Variants in NAALADL2 observed in about 807,000 individuals in gnomAD.
NAALADL2 encodes the protein N-acetylated alpha-linked acidic dipeptidase like 2.
A neutral mutation model predicts 87.2 loss-of-function variants in NAALADL2; 76 were observed. The observed-to-expected ratio is 0.87, with a 90% CI of 0.72 to 1.05. NAALADL2 has a LOEUF of 1.05. Ranked by LOEUF, NAALADL2 falls within the 50% of genes least tolerant of loss-of-function variation. The pLI, the probability that NAALADL2 is intolerant of heterozygous loss-of-function variation, is 0.00. For synonymous variants in NAALADL2, 354 were observed against 331.0 expected (o/e 1.07, Z -0.75); for missense variants, 1,089 against 945.8 (o/e 1.15, Z -1.99).
At chr3:175,627,559 C>G (rs192107611) in intron 11 of NAALADL2, among the ~76,000 whole-genome samples, 173 bp downstream of exon 11, 115 of 115,158 alleles carry the variant, frequency 1.0e-3, no homozygotes, top group Admixed American at 2.0e-3. Flanking sequence ...ATAATTCATT[C>G]AAGATCATAC....
intron 9 of NAALADL2, among the ~76,000 whole-genome samples, chr3:175,480,836 A>T (rs1726347885): frequency 5.3e-5 from 8 of 151,934 alleles, no homozygotes; most frequent in Admixed American, 5.3e-4. Context: ...CCTAGAATTT[A>T]AATAAAAGAA....
intron 4 of NAALADL2, among the ~76,000 whole-genome samples, chr3:175,314,563 C>CTATATATATATATATA (rs57049565): frequency 7.2e-5 from 5 of 69,614 alleles, no homozygotes; most frequent in Non-Finnish European, 1.1e-4. Flanking sequence ...CACATTCTAA[C>CTATATATATATATATA]TATATATATA....
At chr3:175,678,184 A>G (rs1339438395) in intron 11 of NAALADL2, among the ~76,000 whole-genome samples, 2 of 152,208 alleles carry the variant, frequency 1.3e-5, no homozygotes, top group East Asian at 3.8e-4. Flanking sequence ...AAACAGGAAT[A>G]TCTTTTAGCA....
intron 1 of NAALADL2, among the ~76,000 whole-genome samples, chr3:175,040,879 A>G (rs569621965): frequency 1.3e-5 from 2 of 152,294 alleles, no homozygotes; most frequent in South Asian, 2.1e-4. Context: ...AAAAACATGC[A>G]TCAACTCAGA....
chr3:175,384,464 C>T (rs927693557), intron 5 of NAALADL2, among the ~76,000 whole-genome samples: 16 of 151,846 alleles, frequency 1.1e-4, no homozygotes, highest in Admixed American at 3.3e-4. Context: ...ATAATACTTT[C>T]GGTTCTTTGA....
intron 4 of NAALADL2, among the ~76,000 whole-genome samples, chr3:175,261,688 T>G (rs1240195388): frequency 6.6e-6 from 1 of 152,234 alleles, no homozygotes; most frequent in Non-Finnish European, 1.5e-5. Context: ...TTTATCCTTA[T>G]AATGACAATT....
intron 12 of NAALADL2, among the ~76,000 whole-genome samples, chr3:175,750,549 A>T (rs1401892552): frequency 6.6e-6 from 1 of 152,168 alleles, no homozygotes; most frequent in Non-Finnish European, 1.5e-5. Context: ...CCTCTACGAT[A>T]GTGAGGACTA....
chr3:174,645,872 T>G (rs1027169597), intron 2 of NAALADL2, among the ~76,000 whole-genome samples: 3 of 152,168 alleles, frequency 2.0e-5, no homozygotes, highest in African/African-American at 7.2e-5. Flanking sequence ...GATTATTATA[T>G]TTTCTGGAGT....
At chr3:174,516,802 T>G (rs1266538499) in intron 1 of NAALADL2, among the ~76,000 whole-genome samples, 1 of 151,990 alleles carries the variant, frequency 6.6e-6, no homozygotes, top group African/African-American at 2.4e-5. Flanking sequence ...AAATTACAAA[T>G]GACATGTCTT....
At chr3:175,608,649 A>T (rs1269884723) in intron 10 of NAALADL2, among the ~76,000 whole-genome samples, 1 of 152,046 alleles carries the variant, frequency 6.6e-6, no homozygotes, top group Non-Finnish European at 1.5e-5. Context: ...GAGTTATGAA[A>T]TTTGGGAAAC....
chr3:175,410,639 T>C (rs781692759), intron 5 of NAALADL2, among the ~76,000 whole-genome samples: 1 of 152,120 alleles, frequency 6.6e-6, no homozygotes, highest in African/African-American at 2.4e-5. Flanking sequence ...ACAAAAATGT[T>C]GAATTTTAAC....
chr3:174,709,674 GAT>G (rs1333653915), intron 2 of NAALADL2, among the ~76,000 whole-genome samples: 1 of 152,100 alleles, frequency 6.6e-6, no homozygotes, highest in African/African-American at 2.4e-5. Context: ...AGACAGATAA[GAT>G]AAAAATCTTG....
At chr3:174,502,756 C>T (rs1378821716) in intron 1 of NAALADL2, among the ~76,000 whole-genome samples, 3 of 152,032 alleles carry the variant, frequency 2.0e-5, no homozygotes, top group African/African-American at 7.2e-5. Context: ...TCTTGCCAGG[C>T]ACAGTGGCTG....
intron 3 of NAALADL2, among the ~76,000 whole-genome samples, chr3:174,768,796 T>G (rs1714172916): frequency 6.6e-6 from 1 of 152,052 alleles, no homozygotes; most frequent in Admixed American, 6.6e-5. Flanking sequence ...TTGATTGAAG[T>G]TTTGTACTTT....
intron 3 of NAALADL2, among the ~76,000 whole-genome samples, chr3:175,238,680 T>C (rs1182859434): frequency 6.6e-6 from 1 of 152,206 alleles, no homozygotes; most frequent in African/African-American, 2.4e-5. Flanking sequence ...ATATTTTATA[T>C]GCCTGTTTTA....
chr3:175,062,598 T>C (rs1481686753), intron 1 of NAALADL2, among the ~76,000 whole-genome samples: 3 of 151,840 alleles, frequency 2.0e-5, no homozygotes, highest in Admixed American at 1.3e-4. Context: ...ACTACTATCA[T>C]AGAACTATAA....
chr3:175,366,999 C>G lies in NAALADL2; in HGVS notation c.1090+42674C>G, dbSNP rs1360000550. Among the ~76,000 whole-genome samples the G allele has an allele frequency of 6.6e-5, 10 of 151,564 alleles. No homozygotes were observed. In the South Asian group the frequency reaches 1.7e-3, roughly 25 times the overall value. ...AGGGTTTTTATGGTTTTAGGTCTAA[C>G]GTTTAAATCTTTAATCCATCTTGAA... On this transcript the variant is annotated intron_variant, in intron 5 of 13. Coordinates refer to ENST00000454872, the MANE Select transcript of NAALADL2 (RefSeq NM_207015.3).
At chr3:175,044,127 T>A (rs1023660786) in intron 1 of NAALADL2, among the ~76,000 whole-genome samples, 1 of 152,210 alleles carries the variant, frequency 6.6e-6, no homozygotes, top group African/African-American at 2.4e-5. Context: ...TTTGATGCTA[T>A]TGTAAATGGC....
At chr3:174,546,792 A>G (rs1353879677) in intron 1 of NAALADL2, among the ~76,000 whole-genome samples, 1 of 152,052 alleles carries the variant, frequency 6.6e-6, no homozygotes, top group African/African-American at 2.4e-5. Context: ...GGAGTAGCTG[A>G]GACTACAGGT....
Sources: allele counts gnomAD v4.1 joint callset (sites outside exome capture counted in the v4.1 genomes callset), GRCh38; gene constraint gnomAD v4.1.1; transcripts MANE v1.5; gene names NCBI Gene and HGNC (gene_info 2026-07-23, HGNC 2026-07-21).